Variants in RRM1 observed in about 807,000 individuals in gnomAD.
RRM1 encodes the protein ribonucleoside-diphosphate reductase large subunit.
Under a neutral mutation model 101.5 loss-of-function variants are expected in RRM1, and 19 were observed. The ratio of observed to expected loss-of-function variants is 0.19; its 90% CI spans 0.13 to 0.27. The LOEUF (loss-of-function observed/expected upper bound fraction) is 0.27. RRM1 is among the 10% of genes least tolerant of loss of function. The probability of loss-of-function intolerance (pLI) is 1.00; values close to 1 mark genes in which losing one functional copy is unlikely to be tolerated. For missense variants in RRM1, 500 were observed against 962.9 expected (o/e 0.52, Z 6.36); for synonymous variants, 298 against 323.4 (o/e 0.92, Z 0.84).
intron 15 of RRM1, among the ~76,000 whole-genome samples, chr11:4,130,970 CA>C (rs1043243592): frequency 3.3e-5 from 5 of 151,616 alleles, no homozygotes; most frequent in African/African-American, 1.2e-4. Context: ...AACCACCCCC[CA>C]AAAAAAGTAA....
intron 6 of RRM1, 93 bp downstream of exon 6, chr11:4,111,733 T>G: frequency 7.8e-7 from 1 of 1,280,050 alleles, no homozygotes; most frequent in East Asian, 2.4e-5. Context: ...TTGCTTAGAC[T>G]CTAGATAACA....
chr11:4,097,778 CAAGG>C, intron 1 of RRM1, among the ~76,000 whole-genome samples: 1 of 152,156 alleles, frequency 6.6e-6, no homozygotes, highest in South Asian at 2.1e-4. Flanking sequence ...TTTTTAATAA[CAAGG>C]GCAACTGGAA....
intron 4 of RRM1, among the ~76,000 whole-genome samples, chr11:4,109,334 A>C (rs966529846): frequency 4.6e-5 from 7 of 151,964 alleles, no homozygotes; most frequent in African/African-American, 7.2e-5. Flanking sequence ...TCCCTCTTTC[A>C]AAACATACTA....
intron 11 of RRM1, among the ~76,000 whole-genome samples, chr11:4,122,859 C>T (rs1375236001): frequency 7.4e-5 from 11 of 147,912 alleles, no homozygotes; most frequent in Admixed American, 4.7e-4. Flanking sequence ...GGTGATAGAA[C>T]GAAACTCCGT....
Position 4,101,564 on chromosome 11 carries a change from C to CCCCCG in RRM1, c.20-427_20-423dup, listed in dbSNP as rs1554973356. On this transcript the variant is annotated intron_variant, in intron 1 of 18. Coordinates refer to ENST00000300738, the MANE Select transcript of RRM1 (RefSeq NM_001033.5). Reference sequence around the variant, plus strand: ...CCTGACCTCCAGTGATCCACACCCCCCCCCGCTCCCTTGGCCTCCCAAAGT... The same window carrying CCCCCG: ...CCTGACCTCCAGTGATCCACACCCCCCCCCGCCCCGCTCCCTTGGCCTCCCAAAGT... Among the ~76,000 whole-genome samples, 12 of 114,776 alleles carry CCCCCG rather than the reference C, an allele frequency of 1.0e-4. 1 individual carries two copies. Among genetic ancestry groups the CCCCCG allele is most frequent in the Admixed American group, 2.7e-4 (3 of 11,198 alleles). The allele number at this position is 114,776 out of a possible 152,430, so 75.3% of individuals were successfully genotyped here. A position where few individuals can be genotyped will look rare whatever the true frequency, so the allele number is the denominator to read the frequency against.
intron 7 of RRM1, among the ~76,000 whole-genome samples, chr11:4,115,070 A>G (rs2094570930): frequency 6.6e-6 from 1 of 152,190 alleles, no homozygotes; most frequent in African/African-American, 2.4e-5. Context: ...AATAATAAAT[A>G]AATGGAATAG....
intron 15 of RRM1, among the ~76,000 whole-genome samples, chr11:4,131,825 C>T (rs1284038797): frequency 6.6e-6 from 1 of 152,024 alleles, no homozygotes; most frequent in Non-Finnish European, 1.5e-5. Flanking sequence ...AACACTTTCT[C>T]ATCATTATTT....
At position 4,133,519 on chromosome 11, in the gene RRM1, C is replaced by A; in HGVS notation, c.1906-44C>A. On this transcript the variant is annotated intron_variant, in intron 16 of 18. Coordinates refer to ENST00000300738, the MANE Select transcript of RRM1 (RefSeq NM_001033.5). ...AAAGCTGTAGTCTTTTCTAAGCAGTCACTGTTATTTATTTCTTCATACATT... is the reference window on the plus strand; with the variant it reads ...AAAGCTGTAGTCTTTTCTAAGCAGTAACTGTTATTTATTTCTTCATACATT... 3 of 1,198,486 alleles carry A rather than the reference C, an allele frequency of 2.5e-6. No homozygotes were observed. The South Asian group carries it at 3.8e-5, about 15-fold the overall frequency. 74.2% of individuals were successfully genotyped at this position (1,198,486 alleles called of 1,614,324 possible).
At chr11:4,106,413 A>G (rs773806396) in intron 3 of RRM1, 190 bp downstream of exon 3, 53 of 589,232 alleles carry the variant, frequency 9.0e-5, no homozygotes, top group Non-Finnish European at 1.4e-4. Flanking sequence ...AGCCTGGGCA[A>G]TGTGGCGAAA....
intron 18 of RRM1, chr11:4,137,140 A>G: frequency 4.0e-6 from 1 of 249,642 alleles, no homozygotes; most frequent in South Asian, 4.1e-5. Flanking sequence ...TTAGTACAGA[A>G]CAAAATGAAA....
intron 18 of RRM1, chr11:4,137,161 G>T: frequency 4.0e-6 from 1 of 248,582 alleles, no homozygotes; most frequent in Admixed American, 5.5e-5. Context: ...AGTCTCCCGT[G>T]TCTACTTCTT....
chr11:4,130,350 A>C (rs988963963), intron 15 of RRM1, among the ~76,000 whole-genome samples: 19 of 151,864 alleles, frequency 1.3e-4, no homozygotes, highest in Non-Finnish European at 2.4e-4. Context: ...TTTTCAGTAC[A>C]TTTGCAGATA....
intron 2 of RRM1, among the ~76,000 whole-genome samples, chr11:4,103,146 C>A (rs182049256): frequency 5.9e-5 from 9 of 152,306 alleles, no homozygotes; most frequent in African/African-American, 1.9e-4. Flanking sequence ...AATTATGGAT[C>A]TTTGTCCTCC....
At chr11:4,095,152 C>T in intron 1 of RRM1, 121 bp downstream of exon 1, 5 of 1,226,150 alleles carry the variant, frequency 4.1e-6, no homozygotes, top group Non-Finnish European at 5.8e-6. Context: ...CATTTCCCGC[C>T]GCGGCCTTCC....
intron 5 of RRM1, among the ~76,000 whole-genome samples, chr11:4,110,801 G>T (rs1458528502): frequency 6.7e-6 from 1 of 149,042 alleles, no homozygotes; most frequent in African/African-American, 2.5e-5. Flanking sequence ...GCCTGTAACA[G>T]ACCAGGCACT....
intron 12 of RRM1, among the ~76,000 whole-genome samples, chr11:4,125,230 A>G (rs2094587788): frequency 6.6e-6 from 1 of 151,752 alleles, no homozygotes; most frequent in Non-Finnish European, 1.5e-5. Context: ...CATTTTTATC[A>G]CTGTAGATAA....
chr11:4,098,860 A>G (rs745932976), intron 1 of RRM1, among the ~76,000 whole-genome samples: 2 of 152,366 alleles, frequency 1.3e-5, no homozygotes, highest in Non-Finnish European at 2.9e-5. Context: ...AAACAGGATC[A>G]TGTGATAAAG....
intron 15 of RRM1, among the ~76,000 whole-genome samples, chr11:4,130,066 T>C (rs7947605): frequency 3.0e-5 from 1 of 32,974 alleles, no homozygotes; most frequent in African/African-American, 1.0e-4. Flanking sequence ...TGTACTGTAT[T>C]TATATATATA....
At chr11:4,097,760 T>G (rs902699492) in intron 1 of RRM1, among the ~76,000 whole-genome samples, 1 of 152,202 alleles carries the variant, frequency 6.6e-6, no homozygotes, top group Non-Finnish European at 1.5e-5. Flanking sequence ...CCTGGCTAGT[T>G]TTTGTTATTT....
Sources: allele counts gnomAD v4.1 joint callset (sites outside exome capture counted in the v4.1 genomes callset), GRCh38; gene constraint gnomAD v4.1.1; transcripts MANE v1.5; gene names NCBI Gene and HGNC (gene_info 2026-07-23, HGNC 2026-07-21).